CPA4: variants seen among roughly 807,000 people sequenced by gnomAD.
CPA4 encodes carboxypeptidase A4, also known as carboxypeptidase A3.
A neutral mutation model predicts 54.7 loss-of-function variants in CPA4; 49 were observed. The observed-to-expected ratio is 0.90, with a 90% confidence interval of 0.71 to 1.14. CPA4 has a LOEUF of 1.14. Among genes scored for constraint, CPA4 ranks in the 50% most tolerant of loss-of-function variants. The pLI, the probability that CPA4 is intolerant of heterozygous loss-of-function variation, is 0.00. For synonymous variants in CPA4, 215 were observed against 206.8 expected (o/e 1.04, Z -0.34); for missense variants, 487 against 525.1 (o/e 0.93, Z 0.71).
At chr7:130,311,445 G>T (rs1031354702) in intron 9 of CPA4, among the ~76,000 whole-genome samples, 35 of 152,066 alleles carry the variant, frequency 2.3e-4, no homozygotes, top group African/African-American at 8.2e-4. Context: ...GGCTGCCCAG[G>T]CTCACAGCCA....
chr7:130,318,667 T>C lies in CPA4; in HGVS notation c.1079-3822T>C, dbSNP rs567481538. Among the ~76,000 whole-genome samples, 4 of 152,302 alleles carry C rather than the reference T, an allele frequency of 2.6e-5. No homozygotes were observed. The East Asian group carries it at 7.7e-4, about 29-fold the overall frequency. ...CTCAGGTGATCTGCCCGCCTCGGCC[T>C]CTCAAAGTGCTGGGATTACAGGCGT... On this transcript the variant is annotated intron_variant, in intron 10 of 10. Coordinates refer to ENST00000222482, the MANE Select transcript of CPA4 (RefSeq NM_016352.4).
At chr7:130,313,904 T>C (rs904661598) in intron 10 of CPA4, among the ~76,000 whole-genome samples, 2 of 152,216 alleles carry the variant, frequency 1.3e-5, no homozygotes, top group Non-Finnish European at 2.9e-5. Context: ...GTGTTTTTTC[T>C]TTCTTGTGGT....
At chr7:130,317,788 A>G (rs534047360) in intron 10 of CPA4, among the ~76,000 whole-genome samples, 4 of 152,170 alleles carry the variant, frequency 2.6e-5, no homozygotes, top group African/African-American at 7.2e-5. Context: ...TGGCTTTTCT[A>G]TAATAGTGTC....
Position 130,310,754 on chromosome 7 carries a change from A to G in CPA4, c.794-33A>G, listed in dbSNP as rs1224281783. 1 of 1,593,372 alleles carries G rather than the reference A, an allele frequency of 6.3e-7. No individual in the cohort carries two copies. ...TGCATTTCTGTGTTCTTGGACTATG[A>G]GTTAATGTTTGTTCTTGGGCTATCC... On this transcript the variant is annotated intron_variant, in intron 8 of 10. Coordinates refer to ENST00000222482, the MANE Select transcript of CPA4 (RefSeq NM_016352.4). The surrounding 1 kb of genome is among the most constrained non-coding windows in gnomAD (Gnocchi z 4.3).
chr7:130,311,247 C>G (rs931683391), intron 9 of CPA4, among the ~76,000 whole-genome samples: 3 of 152,206 alleles, frequency 2.0e-5, no homozygotes, highest in Admixed American at 1.3e-4. Flanking sequence ...TTTCTGACTG[C>G]CATGTATTGT....
intron 1 of CPA4, among the ~76,000 whole-genome samples, chr7:130,296,187 T>C (rs1469638875): frequency 1.3e-5 from 2 of 152,104 alleles, no homozygotes; most frequent in African/African-American, 4.8e-5. Flanking sequence ...TACAAAAGCA[T>C]ACAAAAGTAC....
chr7:130,304,696 A>G, intron 5 of CPA4, 117 bp downstream of exon 5: 1 of 722,460 alleles, frequency 1.4e-6, no homozygotes, highest in South Asian at 1.6e-5. Context: ...AAGCGAGGTC[A>G]GGACACATTG....
chr7:130,304,957 G>A (rs575048569), intron 5 of CPA4, among the ~76,000 whole-genome samples: 1 of 152,284 alleles, frequency 6.6e-6, no homozygotes, highest in East Asian at 1.9e-4. Flanking sequence ...ATCAACTTAG[G>A]AAGTGAATTT....
intron 4 of CPA4, among the ~76,000 whole-genome samples, chr7:130,303,537 A>G (rs1301425768): frequency 1.3e-5 from 2 of 152,190 alleles, no homozygotes; most frequent in African/African-American, 4.8e-5. Context: ...GTGTACATGT[A>G]TATGGTGCAT....
Position 130,305,889 on chromosome 7 carries a change from C to T in CPA4, c.560C>T (p.Ser187Phe). Residue 187 changes from serine (S) to phenylalanine (F), a missense_variant, in exon 6 of 11, where the codon TCC becomes TTC. Coordinates refer to ENST00000222482, the MANE Select transcript of CPA4 (RefSeq NM_016352.4). Reference sequence around the variant, plus strand: ...GGCATCCATTCCCGAGAGTGGATCTCCCAGGCCACTGCAATCTGGACGGCA... The same window carrying T: ...GGCATCCATTCCCGAGAGTGGATCTTCCAGGCCACTGCAATCTGGACGGCA... ...NAGIHSREWI[S>F]QATAIWTARK... 6.2e-7 allele frequency: 1 copy of T among 1,614,048 alleles called. No individual in the cohort carries two copies. The highest frequency in any genetic ancestry group is 8.5e-7 in the Non-Finnish European group (1 of 1,179,934).
At chr7:130,305,589 C>A (rs1793806692) in intron 5 of CPA4, among the ~76,000 whole-genome samples, 1 of 152,188 alleles carries the variant, frequency 6.6e-6, no homozygotes, top group Admixed American at 6.5e-5. Flanking sequence ...CCATTTGCTC[C>A]TAATGCTGGA....
In CPA4 at chr7:130,322,756, A is replaced by T. The variant is rs2117181839; in HGVS notation, c.*80A>T. On this transcript the variant is annotated 3_prime_UTR_variant, in exon 11 of 11. Transcript: ENST00000222482. ...GCCATTGTTAAAGGAGCTCTTTCCT[A>T]CCTGTGTGAGTCAGAGCCCTCTGGG... The T allele has an allele frequency of 7.0e-7, 1 of 1,422,290 alleles. No individual in the cohort carries two copies. Among genetic ancestry groups the T allele is most frequent in the Non-Finnish European group, 9.6e-7 (1 of 1,043,732 alleles). The allele number at this position is 1,422,290 out of a possible 1,614,324, so 88.1% of individuals were successfully genotyped here.
At chr7:130,297,163 C>T (rs1370904195) in intron 1 of CPA4, among the ~76,000 whole-genome samples, 1 of 151,926 alleles carries the variant, frequency 6.6e-6, no homozygotes, top group Non-Finnish European at 1.5e-5. Flanking sequence ...CTATTTTGTC[C>T]AGGATGATCT....
intron 4 of CPA4, among the ~76,000 whole-genome samples, chr7:130,303,519 C>CTG (rs1238117951): frequency 6.6e-6 from 1 of 151,212 alleles, no homozygotes; most frequent in African/African-American, 2.4e-5. Flanking sequence ...GTGTGTGTGT[C>CTG]TGTGTGTGTG....
chr7:130,306,265 G>A (rs977552462), intron 6 of CPA4: 20 of 305,896 alleles, frequency 6.5e-5, no homozygotes, highest in African/African-American at 3.9e-4. Flanking sequence ...AAAGGCTGCT[G>A]GGAGGGCAGC....
chr7:130,316,378 G>A (rs1793986977), intron 10 of CPA4, among the ~76,000 whole-genome samples: 1 of 152,172 alleles, frequency 6.6e-6, no homozygotes, highest in Non-Finnish European at 1.5e-5. Flanking sequence ...CTAGGGTTAG[G>A]GCTCTTAGGG....
chr7:130,322,502 G>A lies in CPA4; in HGVS notation c.1092G>A (p.Gly364=), dbSNP rs758368183. Residue 364 remains glycine (G), a synonymous_variant, in exon 11 of 11, where the codon GGG becomes GGA. Coordinates refer to ENST00000222482, the MANE Select transcript of CPA4 (RefSeq NM_016352.4). Reference sequence around the variant, plus strand: ...TCCGACTTACAGATCCAGCTAGCGGGAGCAGCATCGACTGGGCATATGACA... The same window carrying A: ...TCCGACTTACAGATCCAGCTAGCGGAAGCAGCATCGACTGGGCATATGACA... ...PTCTTVYPAS[G]SSIDWAYDNG... is the part of the protein sequence containing the mutation. 1.7e-5 allele frequency: 27 copies of A among 1,613,764 alleles called. No homozygotes were observed. The highest frequency in any genetic ancestry group is 2.2e-5 in the Non-Finnish European group (26 of 1,179,770).
chr7:130,322,728 G>C lies in CPA4; in HGVS notation c.*52G>C. On this transcript the variant is annotated 3_prime_UTR_variant, in exon 11 of 11. Coordinates refer to ENST00000222482, the MANE Select transcript of CPA4 (RefSeq NM_016352.4). Reference sequence around the variant, plus strand: ...ATTTGTACCCACACGTGCACGCACTGAGGCCATTGTTAAAGGAGCTCTTTC... The same window carrying C: ...ATTTGTACCCACACGTGCACGCACTCAGGCCATTGTTAAAGGAGCTCTTTC... 1 of 1,543,332 alleles carries C rather than the reference G, an allele frequency of 6.5e-7. No individual in the cohort carries two copies. Among genetic ancestry groups the C allele is most frequent in the South Asian group, 1.2e-5 (1 of 81,676 alleles).
chr7:130,322,943 G>A lies in CPA4; in HGVS notation c.*267G>A, dbSNP rs570566291. 28 of 368,560 alleles carry A rather than the reference G, an allele frequency of 7.6e-5. 1 individual carries two copies. The highest frequency in any genetic ancestry group is 5.2e-4 in the Admixed American group (12 of 23,186). 22.8% of individuals were successfully genotyped at this position (368,560 alleles called of 1,614,324 possible). On this transcript the variant is annotated 3_prime_UTR_variant, in exon 11 of 11. Coordinates refer to ENST00000222482, the MANE Select transcript of CPA4 (RefSeq NM_016352.4). ...TCTCCTTCCACCCTGCTGGCTGGGC[G>A]GCTGCACTCAGCATCACCCCTTCCT...
Sources: gnomAD v4.1 joint callset for allele counts (sites outside exome capture counted in the v4.1 genomes callset) on GRCh38, gnomAD v4.1.1 for gene constraint, Gnocchi (gnomAD v3.1) non-coding constraint, MANE v1.5 for transcripts, NCBI Gene and HGNC (gene_info 2026-07-23, HGNC 2026-07-21) for gene names.